Variants in PHF12 observed in about 807,000 individuals in gnomAD.
PHF12 encodes the protein PHD factor 1.
PHF12 carries 6 observed loss-of-function variants against 99.8 expected under a neutral mutation model. The ratio of observed to expected loss-of-function variants is 0.06; its 90% CI spans 0.03 to 0.12. The LOEUF (loss-of-function observed/expected upper bound fraction) is 0.12. PHF12 is among the 10% of genes least tolerant of loss of function. The pLI is 1.00. For missense variants in PHF12, 954 were observed against 1,300.1 expected (o/e 0.73, Z 4.09); for synonymous variants, 480 against 514.9 (o/e 0.93, Z 0.92).
Position 28,950,442 on chromosome 17 carries a change from A to C in PHF12, c.67-196T>G. On this transcript the variant is annotated intron_variant, in intron 1 of 14. Coordinates refer to ENST00000332830, the MANE Select transcript of PHF12 (RefSeq NM_001033561.2). The surrounding 1 kb of genome is among the most constrained non-coding windows in gnomAD (Gnocchi z 5.7). ...CTAACCGCGTTCCTGCAGCACAACAACGAGAACAGCTTCTTCCAAATGGGG... is the reference window on the plus strand; with the variant it reads ...CTAACCGCGTTCCTGCAGCACAACACCGAGAACAGCTTCTTCCAAATGGGG... 4 of 598,644 alleles carry C rather than the reference A, an allele frequency of 6.7e-6. No homozygotes were observed. Among genetic ancestry groups the C allele is most frequent in the Non-Finnish European group, 8.7e-6 (3 of 342,876 alleles). The allele number at this position is 598,644 out of a possible 1,614,324, so 37.1% of individuals were successfully genotyped here.
Position 28,951,039 on chromosome 17 carries a change from C to G in PHF12, c.-79G>C, listed in dbSNP as rs532572702. The G allele has an allele frequency of 4.2e-4, 669 of 1,599,254 alleles. 4 individuals carry two copies. The African/African-American group carries it at 7.9e-3, about 19-fold the overall frequency. ...GGAGGGGGGAGGTGAGGGGAGGGGGCGCTCCTGACCCCGGCCCCGCTTTTT... is the reference window on the plus strand; with the variant it reads ...GGAGGGGGGAGGTGAGGGGAGGGGGGGCTCCTGACCCCGGCCCCGCTTTTT... On this transcript the variant is annotated 5_prime_UTR_variant, in exon 1 of 15. Transcript: ENST00000332830.
chr17:28,914,659 G>A (rs1189002322), intron 7 of PHF12, among the ~76,000 whole-genome samples: 1 of 107,812 alleles, frequency 9.3e-6, no homozygotes, highest in East Asian at 3.0e-4. Context: ...GTGAAAGAGC[G>A]AGACTCCGTC....
At chr17:28,933,087 T>A (rs1304975407) in intron 2 of PHF12, among the ~76,000 whole-genome samples, 1 of 152,142 alleles carries the variant, frequency 6.6e-6, no homozygotes, top group Non-Finnish European at 1.5e-5. Context: ...CCTCGCTCCC[T>A]CTCATCCTCA....
intron 2 of PHF12, among the ~76,000 whole-genome samples, chr17:28,939,293 C>G (rs1350813013): frequency 6.6e-6 from 1 of 152,218 alleles, no homozygotes; most frequent in Non-Finnish European, 1.5e-5. Context: ...ACTGACAACT[C>G]TCTCTACATT....
chr17:28,936,509 A>G (rs1465314072), intron 2 of PHF12, among the ~76,000 whole-genome samples: 1 of 152,232 alleles, frequency 6.6e-6, no homozygotes, highest in Non-Finnish European at 1.5e-5. Flanking sequence ...ATACACCAAC[A>G]GCCTACTAAG....
chr17:28,919,307 G>A (rs542037370), intron 5 of PHF12, 32 bp from the exon 6 acceptor site: 15 of 1,605,474 alleles, frequency 9.3e-6, no homozygotes, highest in East Asian at 6.7e-5. Flanking sequence ...CATTTCTGTG[G>A]CAAGAAAAGG....
chr17:28,906,617 G>T lies in PHF12; in HGVS notation c.2681-100C>A. ...GCTCCTGCATCTCCCCATTCCAACT[G>T]CTGCATGACTAGGGAGGAAGGATGC... is the stretch of plus-strand genomic sequence containing the variant. On this transcript the variant is annotated intron_variant, in intron 14 of 14. Coordinates refer to ENST00000332830, the MANE Select transcript of PHF12 (RefSeq NM_001033561.2). This position sits in a 1 kb window ranked among gnomAD's most constrained non-coding sequence, Gnocchi z 4.2. 7.5e-7 allele frequency: 1 copy of T among 1,341,080 alleles called. No homozygotes were observed. Among genetic ancestry groups the T allele is most frequent in the Non-Finnish European group, 1.0e-6 (1 of 982,592 alleles). 83.1% of individuals were successfully genotyped at this position (1,341,080 alleles called of 1,614,324 possible).
intron 2 of PHF12, among the ~76,000 whole-genome samples, chr17:28,935,029 G>A (rs2040483469): frequency 6.6e-6 from 1 of 152,236 alleles, no homozygotes; most frequent in African/African-American, 2.4e-5. Context: ...AACAAGCCAA[G>A]GACCTCTACT....
chr17:28,908,511 G>A (rs964780257), intron 12 of PHF12: 1 of 429,346 alleles, frequency 2.3e-6, no homozygotes, highest in African/African-American at 2.0e-5. Flanking sequence ...GTAGAGATAG[G>A]GTTTCACCAT....
chr17:28,935,715 G>C (rs1286915567), intron 2 of PHF12, among the ~76,000 whole-genome samples: 1 of 152,188 alleles, frequency 6.6e-6, no homozygotes, highest in Non-Finnish European at 1.5e-5. Context: ...CTCTCTGTGA[G>C]GCCTAGAGGG....
Position 28,906,670 on chromosome 17 carries a change from C to A in PHF12, c.2681-153G>T. The A allele has an allele frequency of 1.7e-6, 2 of 1,200,130 alleles. No homozygotes were observed. Among genetic ancestry groups the A allele is most frequent in the Non-Finnish European group, 2.3e-6 (2 of 866,910 alleles). The allele number at this position is 1,200,130 out of a possible 1,614,324, so 74.3% of individuals were successfully genotyped here. ...AGAAAGGGTTGGTGGAGTCTGAAGTCCCCACAGGTGTGTACACACATGGGG... is the reference window on the plus strand; with the variant it reads ...AGAAAGGGTTGGTGGAGTCTGAAGTACCCACAGGTGTGTACACACATGGGG... On this transcript the variant is annotated intron_variant, in intron 14 of 14. Coordinates refer to ENST00000332830, the MANE Select transcript of PHF12 (RefSeq NM_001033561.2). This position sits in a 1 kb window ranked among gnomAD's most constrained non-coding sequence, Gnocchi z 4.2.
chr17:28,939,864 G>A (rs2040581708), intron 2 of PHF12, among the ~76,000 whole-genome samples: 1 of 152,192 alleles, frequency 6.6e-6, no homozygotes, highest in South Asian at 2.1e-4. Context: ...GTAAAGTGAT[G>A]TCTTTGGGCT....
intron 3 of PHF12, 125 bp downstream of exon 3, chr17:28,926,866 T>C: frequency 6.4e-7 from 1 of 1,563,572 alleles, no homozygotes; most frequent in Non-Finnish European, 8.6e-7. Flanking sequence ...AGTGGGGTGA[T>C]TCCAGGGCTG....
chr17:28,949,113 C>T lies in PHF12; in HGVS notation c.248+952G>A, dbSNP rs1444294453. ...CTCATGTCCAGTAAGGGGGAAAAAG[C>T]GTACGGCTTTCCAGCTCTCAGCTCC... On this transcript the variant is annotated intron_variant, in intron 2 of 14. Coordinates refer to ENST00000332830, the MANE Select transcript of PHF12 (RefSeq NM_001033561.2). This position sits in a 1 kb window ranked among gnomAD's most constrained non-coding sequence, Gnocchi z 4.6. Among the ~76,000 whole-genome samples, 5 of 152,304 alleles carry T rather than the reference C, an allele frequency of 3.3e-5. No individual in the cohort carries two copies. Among genetic ancestry groups the T allele is most frequent in the South Asian group, 4.1e-4 (2 of 4,824 alleles).
intron 13 of PHF12, 124 bp from the exon 14 acceptor site, chr17:28,907,118 T>A: frequency 8.7e-7 from 1 of 1,151,578 alleles, no homozygotes; most frequent in Non-Finnish European, 1.2e-6. Context: ...GCCTCCCCAG[T>A]CATGGCCCCT....
At chr17:28,917,858 CCTCT>C (rs1474538362) in intron 6 of PHF12, among the ~76,000 whole-genome samples, 2 of 152,106 alleles carry the variant, frequency 1.3e-5, no homozygotes, top group Non-Finnish European at 2.9e-5. Flanking sequence ...CCAGGAAGGG[CCTCT>C]CTCTAATAGG....
chr17:28,938,655 A>C (rs1336527515), intron 2 of PHF12, among the ~76,000 whole-genome samples: 1 of 152,200 alleles, frequency 6.6e-6, no homozygotes, highest in Non-Finnish European at 1.5e-5. Context: ...GGGCCATGCC[A>C]GCACAGGGAT....
chr17:28,918,748 C>G (rs902095766), intron 6 of PHF12, among the ~76,000 whole-genome samples: 1 of 152,220 alleles, frequency 6.6e-6, no homozygotes, highest in African/African-American at 2.4e-5. Context: ...AGGACCTTCA[C>G]ACTATTATTC....
In PHF12 at chr17:28,908,806, T is replaced by C. The variant is rs768888486; in HGVS notation, c.2435A>G (p.Tyr812Cys). Residue 812 changes from tyrosine (Y) to cysteine (C), a missense_variant, in exon 12 of 15, where the codon TAT (tyrosine) becomes TGT (cysteine). By Grantham distance (194) the Tyr-to-Cys change is radical. Around this residue, in one of 8 missense-constraint regions of PHF12, gnomAD observed 143 missense variants for 191.8 expected, o/e 0.75. Coordinates refer to ENST00000332830, the MANE Select transcript of PHF12 (RefSeq NM_001033561.2). ...ACCTGTCCCGATGTAGAGGGTTCGA[T>C]AGCACATGTTCACAGCTCCTCCCAA... The part of the protein sequence containing the change: ...LGLGGAVNMC[Y>C]RTLYIGTGAD... 4.3e-6 allele frequency: 7 copies of C among 1,613,960 alleles called. No individual in the cohort carries two copies. The highest frequency in any genetic ancestry group is 1.1e-5 in the South Asian group (1 of 91,060).
Sources: gnomAD v4.1 joint callset for allele counts (sites outside exome capture counted in the v4.1 genomes callset) on GRCh38, gnomAD v4.1.1 for gene constraint, gnomAD v4.1.1 regional missense constraint, Gnocchi (gnomAD v3.1) non-coding constraint, MANE v1.5 for transcripts, NCBI Gene and HGNC (gene_info 2026-07-23, HGNC 2026-07-21) for gene names.